RIOX2: variants seen among roughly 807,000 people sequenced by gnomAD.
RIOX2 encodes the protein 60S ribosomal protein L27a histidine hydroxylase.
Under a neutral mutation model 51.2 loss-of-function variants are expected in RIOX2, and 43 were observed. That is an observed-to-expected ratio of 0.84 (90% CI 0.66 to 1.08). The LOEUF is 1.08. Ranked by LOEUF, RIOX2 falls within the 50% of genes least tolerant of loss-of-function variation. The probability of loss-of-function intolerance (pLI) is 0.00; values close to 1 mark genes in which losing one functional copy is unlikely to be tolerated. For synonymous variants in RIOX2, 226 were observed against 218.5 expected (o/e 1.03, Z -0.30); for missense variants, 566 against 561.7 (o/e 1.01, Z -0.08).
intron 2 of RIOX2, among the ~76,000 whole-genome samples, chr3:97,965,926 G>A (rs545423965): frequency 6.6e-6 from 1 of 152,296 alleles, no homozygotes; most frequent in Non-Finnish European, 1.5e-5. Context: ...CATATTTTCT[G>A]AATTCAAATC....
At chr3:97,969,270 A>G (rs917632780) in intron 1 of RIOX2, among the ~76,000 whole-genome samples, 1 of 152,362 alleles carries the variant, frequency 6.6e-6, no homozygotes, top group South Asian at 2.1e-4. Flanking sequence ...TCAGTAAGAC[A>G]CATTTTCTGA....
intron 5 of RIOX2, chr3:97,952,234 C>G: frequency 7.8e-7 from 1 of 1,289,752 alleles, no homozygotes; most frequent in African/African-American, 1.5e-5. Flanking sequence ...CACATCTTCT[C>G]ATTCTAGCTC....
At position 97,959,122 on chromosome 3, in the gene RIOX2, G is replaced by A; in HGVS notation, c.610C>T (p.Pro204Ser). The A allele has an allele frequency of 6.2e-7, 1 of 1,613,930 alleles. No individual in the cohort carries two copies. The highest frequency in any genetic ancestry group is 8.5e-7 in the Non-Finnish European group (1 of 1,179,930). Residue 204 changes from proline (P) to serine (S), a missense_variant, in exon 4 of 10, where the codon CCC (proline) becomes TCC (serine). Coordinates refer to ENST00000394198, the MANE Select transcript of RIOX2 (RefSeq NM_153182.4). The part of the protein sequence containing the change: ...KHWRLYHPTV[P>S]LAREYSVEAE... Reference sequence around the variant, plus strand: ...TCCACGCTGTACTCTCGTGCCAGGGGCACAGTGGGGTGGTAGAGGCGCCAG... The same window carrying A: ...TCCACGCTGTACTCTCGTGCCAGGGACACAGTGGGGTGGTAGAGGCGCCAG...
Position 97,956,861 on chromosome 3 carries a change from A to G in RIOX2, c.681+2190T>C, listed in dbSNP as rs184941180. Among the ~76,000 whole-genome samples, 121 of 152,320 alleles carry G rather than the reference A, an allele frequency of 7.9e-4. 1 individual carries two copies. The highest frequency in any genetic ancestry group is 2.7e-3 in the African/African-American group (112 of 41,570). ...AATCCTCATAGCCTGCAAGGTAAAT[A>G]TCATGATCTCTGTTTTAATAAAGAG... On this transcript the variant is annotated intron_variant, in intron 4 of 9. Coordinates refer to ENST00000394198, the MANE Select transcript of RIOX2 (RefSeq NM_153182.4).
Position 97,950,802 on chromosome 3 carries a change from GGTATGCCGGTCCGTAAC to G in RIOX2, c.855_871del (p.Glu285AspfsTer79). On this transcript the variant is annotated frameshift_variant, in exon 6 of 10. Transcript: ENST00000394198. LOFTEE classifies it high-confidence loss of function. The stretch of plus-strand genomic sequence containing the variant: ...ACTCCTTACCAGGAGCAGCTGCCGG[GGTATGCCGGTCCGTAAC>G]TCCACGTCTTCCTTTGCAGTATCAA... 1 of 1,613,492 alleles carries G rather than the reference GGTATGCCGGTCCGTAAC, an allele frequency of 6.2e-7. No homozygotes were observed. Among genetic ancestry groups the G allele is most frequent in the Non-Finnish European group, 8.5e-7 (1 of 1,179,630 alleles).
chr3:97,963,151 T>G (rs1705749189), intron 2 of RIOX2, among the ~76,000 whole-genome samples: 1 of 152,200 alleles, frequency 6.6e-6, no homozygotes, highest in Non-Finnish European at 1.5e-5. Context: ...ATGGTCTTGC[T>G]CTGTCACCCA....
intron 1 of RIOX2, among the ~76,000 whole-genome samples, chr3:97,968,378 A>T (rs1278069519): frequency 3.3e-5 from 5 of 152,238 alleles, no homozygotes; most frequent in Admixed American, 3.3e-4. Flanking sequence ...ATAACTTTTT[A>T]ACTGAAGATT....
chr3:97,947,861 C>T (rs920314122), intron 7 of RIOX2, among the ~76,000 whole-genome samples: 8 of 152,142 alleles, frequency 5.3e-5, no homozygotes, highest in South Asian at 2.1e-4. Flanking sequence ...TTGCACTACT[C>T]CACCAATTAT....
In RIOX2 at chr3:97,949,980, T is replaced by A. The variant is rs777949537; in HGVS notation, c.924A>T (p.Leu308Phe). The stretch of plus-strand genomic sequence containing the variant: ...CTGCAAGTGTCCTCAGGAAGCCACT[T>A]AATCGTCTTGTAGCAACAGTTGTGG... The part of the protein sequence containing the change: ...VESTTVATRR[L>F]SGFLRTLADR... Residue 308 changes from leucine to phenylalanine, a missense_variant, in exon 7 of 10, where the codon TTA becomes TTT. Leu to Phe is a conservative substitution (Grantham distance 22). Transcript: ENST00000394198. 3.7e-6 allele frequency: 6 copies of A among 1,613,932 alleles called. No homozygotes were observed. The highest frequency in any genetic ancestry group is 1.7e-4 in the Middle Eastern group (1 of 5,972).
At chr3:97,963,761 G>A (rs1483596588) in intron 2 of RIOX2, among the ~76,000 whole-genome samples, 1 of 152,100 alleles carries the variant, frequency 6.6e-6, no homozygotes, top group Non-Finnish European at 1.5e-5. Context: ...AAAGGTTACT[G>A]AAAATGCTAT....
At chr3:97,955,931 C>T (rs1238898035) in intron 4 of RIOX2, among the ~76,000 whole-genome samples, 1 of 152,046 alleles carries the variant, frequency 6.6e-6, no homozygotes, top group Non-Finnish European at 1.5e-5. Context: ...TATATCTAAA[C>T]GTGGACAAGA....
At chr3:97,956,806 T>C (rs968178142) in intron 4 of RIOX2, among the ~76,000 whole-genome samples, 20 of 152,172 alleles carry the variant, frequency 1.3e-4, no homozygotes, top group African/African-American at 4.3e-4. Context: ...AAAGATTTAT[T>C]GTAAAGGAGG....
chr3:97,952,058 G>T, intron 5 of RIOX2: 1 of 671,342 alleles, frequency 1.5e-6, no homozygotes, highest in East Asian at 6.5e-5. Context: ...GGTCCACTTT[G>T]GTAAAACAAC....
chr3:97,962,329 T>C (rs1414470717), intron 2 of RIOX2, among the ~76,000 whole-genome samples: 2 of 147,908 alleles, frequency 1.4e-5, no homozygotes, highest in Admixed American at 6.8e-5. Flanking sequence ...AGTTTTATAT[T>C]AGGAATGTTA....
At position 97,943,458 on chromosome 3, in the gene RIOX2, A is replaced by G. The variant is rs2040278686; in HGVS notation, c.*1726T>C. Reference sequence around the variant, plus strand: ...ATGAACATTTTCTCCAGCCTCTGAGACTATCGCTCTTAACCATGGAAAAGC... The same window carrying G: ...ATGAACATTTTCTCCAGCCTCTGAGGCTATCGCTCTTAACCATGGAAAAGC... On this transcript the variant is annotated 3_prime_UTR_variant, in exon 10 of 10. Transcript: ENST00000394198. The G allele has an allele frequency of 3.2e-6, 2 of 621,066 alleles. No homozygotes were observed. Among genetic ancestry groups the G allele is most frequent in the Admixed American group, 3.4e-5 (1 of 29,198 alleles). 38.5% of individuals were successfully genotyped at this position (621,066 alleles called of 1,614,324 possible). A position where few individuals can be genotyped will look rare whatever the true frequency, so the allele number is the denominator to read the frequency against.
intron 4 of RIOX2, among the ~76,000 whole-genome samples, chr3:97,956,466 C>T (rs1705453762): frequency 1.3e-5 from 2 of 151,972 alleles, no homozygotes; most frequent in African/African-American, 4.8e-5. Context: ...AACAGAAAAA[C>T]TCAGACAGAC....
In RIOX2 at chr3:97,949,958, C is replaced by T; in HGVS notation, c.946G>A (p.Ala316Thr). The change falls in exon 7 of 10, where the codon GCA (alanine) becomes ACA (threonine). Residue 316 changes from alanine to threonine, a missense_variant. By Grantham distance (58) the Ala-to-Thr change is moderately conservative. Transcript: ENST00000394198. ...TCTTTGGTGCCCTCCAGCCGGTCTGCAAGTGTCCTCAGGAAGCCACTTAAT... is the reference window on the plus strand; with the variant it reads ...TCTTTGGTGCCCTCCAGCCGGTCTGTAAGTGTCCTCAGGAAGCCACTTAAT... ...RRLSGFLRTLADRLEGTKELL... is the reference protein window; with the variant it reads ...RRLSGFLRTLTDRLEGTKELL... 1 of 1,613,972 alleles carries T rather than the reference C, an allele frequency of 6.2e-7. No homozygotes were observed. Among genetic ancestry groups the T allele is most frequent in the East Asian group, 2.2e-5 (1 of 44,866 alleles).
At chr3:97,962,897 G>T (rs753640203) in intron 2 of RIOX2, among the ~76,000 whole-genome samples, 5 of 152,186 alleles carry the variant, frequency 3.3e-5, no homozygotes, top group African/African-American at 7.2e-5. Context: ...ACCTTTCAGA[G>T]AATTTAAGAA....
chr3:97,961,150 G>A (rs1705657259), intron 3 of RIOX2, among the ~76,000 whole-genome samples: 1 of 152,108 alleles, frequency 6.6e-6, no homozygotes, highest in Non-Finnish European at 1.5e-5. Flanking sequence ...CCTCATTCAA[G>A]CTGCCCCAAG....
Sources: gnomAD v4.1 joint callset for allele counts (sites outside exome capture counted in the v4.1 genomes callset) on GRCh38, gnomAD v4.1.1 for gene constraint, MANE v1.5 for transcripts, NCBI Gene and HGNC (gene_info 2026-07-23, HGNC 2026-07-21) for gene names.